The following IPO13 variants were observed in gnomAD, a reference collection of about 807,000 sequenced individuals.
The protein encoded by IPO13 is importin-13.
A neutral mutation model predicts 115.5 loss-of-function variants in IPO13; 28 were observed. The observed-to-expected ratio is 0.24, with a 90% CI of 0.18 to 0.33. IPO13 has a LOEUF of 0.33. Ranked by LOEUF, IPO13 falls within the 10% of genes least tolerant of loss-of-function variation. The pLI is 1.00. For synonymous variants in IPO13, 414 were observed against 478.9 expected (o/e 0.86, Z 1.77); for missense variants, 785 against 1,204.6 (o/e 0.65, Z 5.16).
chr1:43,961,321 A>T, intron 14 of IPO13, 59 bp downstream of exon 14: 8 of 1,369,436 alleles, frequency 5.8e-6, no homozygotes, highest in East Asian at 2.3e-5. Flanking sequence ...TGCTTCCCCA[A>T]ATGGGGAGCC....
At chr1:43,961,078 G>A in intron 13 of IPO13, 65 bp downstream of exon 13, 1 of 1,610,514 alleles carries the variant, frequency 6.2e-7, no homozygotes, top group African/African-American at 1.3e-5. Flanking sequence ...GGCTGCCGTG[G>A]CTGGGGTCCC....
rs761449688 is a variant in IPO13 at position 43,949,573 on chromosome 1, G to A, written c.241G>A (p.Ala81Thr). 1.2e-6 allele frequency: 2 copies of A among 1,614,228 alleles called. No homozygotes were observed. The highest frequency in any genetic ancestry group is 1.7e-6 in the Non-Finnish European group (2 of 1,180,038). The change falls in exon 2 of 20, where the codon GCT becomes ACT. Residue 81 changes from alanine to threonine, a missense_variant. By Grantham distance (58) the Ala-to-Thr change is moderately conservative. This residue lies in a region of IPO13 where 325 missense variants were observed against 449.8 expected (regional missense o/e 0.72). Transcript: ENST00000372343. ...VPEIQYFGAS[A>T]LHIKISRYWS... is the part of the protein sequence containing the mutation. Reference sequence around the variant, plus strand: ...AGAGATCCAGTACTTTGGGGCCAGTGCTCTTCACATCAAGATCTCTCGCTA... The same window carrying A: ...AGAGATCCAGTACTTTGGGGCCAGTACTCTTCACATCAAGATCTCTCGCTA...
In IPO13 at chr1:43,947,485, C is replaced by T. The variant is rs112606812; in HGVS notation, c.-116C>T. The T allele has an allele frequency of 5.5e-4, 295 of 539,564 alleles. No individual in the cohort carries two copies. The highest frequency in any genetic ancestry group is 7.7e-4 in the Non-Finnish European group (273 of 352,734). The allele number at this position is 539,564 out of a possible 1,614,324, so 33.4% of individuals were successfully genotyped here. Reference sequence around the variant, plus strand: ...GGCAGCCATGCCCGCCCTGGGCCCCCCCTCACCCCACCACTCCCTGGGCAC... The same window carrying T: ...GGCAGCCATGCCCGCCCTGGGCCCCTCCTCACCCCACCACTCCCTGGGCAC... On this transcript the variant is annotated 5_prime_UTR_variant, in exon 1 of 20. Coordinates refer to ENST00000372343, the MANE Select transcript of IPO13 (RefSeq NM_014652.4).
chr1:43,957,073 T>C, intron 5 of IPO13, 97 bp downstream of exon 5: 1 of 1,561,728 alleles, frequency 6.4e-7, no homozygotes, highest in Non-Finnish European at 8.7e-7. Context: ...ATTTTGGTGC[T>C]CCTTTCTGTT....
rs1388465428 is a variant in IPO13, at chr1:43,966,540, G to C, written c.2398-35G>C. On this transcript the variant is annotated intron_variant, in intron 15 of 19. Coordinates refer to ENST00000372343, the MANE Select transcript of IPO13 (RefSeq NM_014652.4). The surrounding 1 kb of genome is among the most constrained non-coding windows in gnomAD (Gnocchi z 4.1). ...GTGGGGGGGATGGTCCTTGGAGCTG[G>C]CTGGGGCTGGGCTTACCAGCTCCAC... 2 of 1,610,402 alleles carry C rather than the reference G, an allele frequency of 1.2e-6. No homozygotes were observed. Among genetic ancestry groups the C allele is most frequent in the Non-Finnish European group, 1.7e-6 (2 of 1,176,960 alleles).
Position 43,956,486 on chromosome 1 carries a change from G to A in IPO13, c.962+26G>A. The A allele has an allele frequency of 1.2e-6, 2 of 1,614,098 alleles. No individual in the cohort carries two copies. The highest frequency in any genetic ancestry group is 1.7e-6 in the Non-Finnish European group (2 of 1,179,990). On this transcript the variant is annotated intron_variant, in intron 3 of 19. Coordinates refer to ENST00000372343, the MANE Select transcript of IPO13 (RefSeq NM_014652.4). The surrounding 1 kb of genome is among the most constrained non-coding windows in gnomAD (Gnocchi z 4.7). ...GTAAAGGGTGGAGCAGCTTGGGGTGGGATAGTAGGGCCCTCTAAGAAATGG... is the reference window on the plus strand; with the variant it reads ...GTAAAGGGTGGAGCAGCTTGGGGTGAGATAGTAGGGCCCTCTAAGAAATGG...
At chr1:43,949,050 A>G (rs2085187488) in intron 1 of IPO13, among the ~76,000 whole-genome samples, 1 of 152,238 alleles carries the variant, frequency 6.6e-6, no homozygotes, top group South Asian at 2.1e-4. Flanking sequence ...AAGCTGTTCC[A>G]TGCCCTTCTC....
At chr1:43,955,658 A>G (rs2085242124) in intron 2 of IPO13, among the ~76,000 whole-genome samples, 1 of 152,178 alleles carries the variant, frequency 6.6e-6, no homozygotes, top group Non-Finnish European at 1.5e-5. Flanking sequence ...CACCAGTCAT[A>G]TTGGAGTTCA....
At position 43,966,442 on chromosome 1, in the gene IPO13, G is replaced by A; in HGVS notation, c.2398-133G>A. 1 of 860,758 alleles carries A rather than the reference G, an allele frequency of 1.2e-6. No individual in the cohort carries two copies. Among genetic ancestry groups the A allele is most frequent in the Non-Finnish European group, 1.9e-6 (1 of 524,222 alleles). 53.3% of individuals were successfully genotyped at this position (860,758 alleles called of 1,614,324 possible). On this transcript the variant is annotated intron_variant, in intron 15 of 19. Transcript: ENST00000372343. This position sits in a 1 kb window ranked among gnomAD's most constrained non-coding sequence, Gnocchi z 4.1. ...ACTCTGAGGTGGTCCGGGTCCCCCA[G>A]AGATGGCTGGGTAGCTGGTTTTGGC... is the stretch of plus-strand genomic sequence containing the variant.
rs746432193 is a variant in IPO13 at position 43,958,454 on chromosome 1, C to T, written c.1750-7C>T. ...CCAGGACTGACCATCCATGTTCTGC[C>T]CCACAGACAAGCCAGTGCATGTGGC... is the stretch of plus-strand genomic sequence containing the variant. On this transcript the variant is annotated splice_polypyrimidine_tract_variant and splice_region_variant and intron_variant, in intron 9 of 19. Coordinates refer to ENST00000372343, the MANE Select transcript of IPO13 (RefSeq NM_014652.4). The surrounding 1 kb of genome is among the most constrained non-coding windows in gnomAD (Gnocchi z 6.3). 3.1e-6 allele frequency: 5 copies of T among 1,613,862 alleles called. No individual in the cohort carries two copies. The South Asian group carries it at 5.5e-5, about 18-fold the overall frequency.
At chr1:43,965,919 C>T (rs933517826) in intron 15 of IPO13, 3 of 164,796 alleles carry the variant, frequency 1.8e-5, no homozygotes, top group Non-Finnish European at 2.7e-5. Flanking sequence ...TGGTACCACT[C>T]GGGGCAGGCC....
Position 43,960,930 on chromosome 1 carries a change from C to T in IPO13, c.2164C>T (p.Pro722Ser). The T allele has an allele frequency of 6.2e-7, 1 of 1,614,214 alleles. No individual in the cohort carries two copies. Among genetic ancestry groups the T allele is most frequent in the Non-Finnish European group, 8.5e-7 (1 of 1,180,036 alleles). Residue 722 changes from proline (P) to serine (S), a missense_variant, in exon 13 of 20, where the codon CCC becomes TCC. This residue lies in a region of IPO13 where 285 missense variants were observed against 394.8 expected (regional missense o/e 0.72). Transcript: ENST00000372343. ...TAAGACGCTGCTGGATGACTTTGCC[C>T]CCATGGTGCCACAGCTGTGTGAGAT... The part of the protein sequence containing the change: ...SVKTLLDDFA[P>S]MVPQLCEMLG...
At position 43,947,466 on chromosome 1, in the gene IPO13, C is replaced by T. The variant is rs1019119903; in HGVS notation, c.-135C>T. On this transcript the variant is annotated 5_prime_UTR_variant, in exon 1 of 20. Transcript: ENST00000372343. ...AACGAGGTGGGGAGGCCTCGGCAGCCATGCCCGCCCTGGGCCCCCCCTCAC... is the reference window on the plus strand; with the variant it reads ...AACGAGGTGGGGAGGCCTCGGCAGCTATGCCCGCCCTGGGCCCCCCCTCAC... 25 of 450,142 alleles carry T rather than the reference C, an allele frequency of 5.6e-5. No individual in the cohort carries two copies. The highest frequency in any genetic ancestry group is 8.5e-5 in the Non-Finnish European group (23 of 271,780). The allele number at this position is 450,142 out of a possible 1,614,324, so 27.9% of individuals were successfully genotyped here.
At chr1:43,960,175 C>T in intron 11 of IPO13, 74 bp from the exon 12 acceptor site, 5 of 1,438,250 alleles carry the variant, frequency 3.5e-6, no homozygotes, top group Non-Finnish European at 4.9e-6. Flanking sequence ...CCCCTCCTCC[C>T]TGCCACCAAG....
chr1:43,960,701 C>T (rs1425467645), intron 12 of IPO13, among the ~76,000 whole-genome samples, 175 bp from the exon 13 acceptor site: 1 of 152,180 alleles, frequency 6.6e-6, no homozygotes, highest in African/African-American at 2.4e-5. Flanking sequence ...CAGTGAAGGG[C>T]CTTTGCCCCC....
intron 14 of IPO13, among the ~76,000 whole-genome samples, chr1:43,961,878 T>C (rs752399904): frequency 1.6e-4 from 25 of 152,226 alleles, no homozygotes; most frequent in Non-Finnish European, 2.5e-4. Context: ...TCAAGTACCT[T>C]TGGCTGTGGT....
rs547397899 is a variant in IPO13, at chr1:43,958,426, T to G, written c.1750-35T>G. 6.2e-7 allele frequency: 1 copy of G among 1,612,732 alleles called. No individual in the cohort carries two copies. Among genetic ancestry groups the G allele is most frequent in the South Asian group, 1.1e-5 (1 of 90,980 alleles). The stretch of plus-strand genomic sequence containing the variant: ...TTCCTTCCTACCCCACAACTAGATG[T>G]GGCCAGGACTGACCATCCATGTTCT... On this transcript the variant is annotated intron_variant, in intron 9 of 19. Coordinates refer to ENST00000372343, the MANE Select transcript of IPO13 (RefSeq NM_014652.4). This position sits in a 1 kb window ranked among gnomAD's most constrained non-coding sequence, Gnocchi z 6.3.
At chr1:43,963,846 C>G (rs1206837489) in intron 14 of IPO13, among the ~76,000 whole-genome samples, 2 of 152,220 alleles carry the variant, frequency 1.3e-5, no homozygotes, top group Admixed American at 6.5e-5. Flanking sequence ...CCCACCCCCC[C>G]ACCGCCATCC....
Position 43,966,670 on chromosome 1 carries a change from C to G in IPO13, c.2464+29C>G. ...AGTGGGGCGAGATGGACAGGTGGGC[C>G]TGGGGCTCCCCTAGAAGGATCGTTA... On this transcript the variant is annotated intron_variant, in intron 16 of 19. Coordinates refer to ENST00000372343, the MANE Select transcript of IPO13 (RefSeq NM_014652.4). This position sits in a 1 kb window ranked among gnomAD's most constrained non-coding sequence, Gnocchi z 4.1. The G allele has an allele frequency of 6.2e-7, 1 of 1,614,118 alleles. No homozygotes were observed. Among genetic ancestry groups the G allele is most frequent in the Non-Finnish European group, 8.5e-7 (1 of 1,179,948 alleles).
Sources: gnomAD v4.1 joint callset for allele counts (sites outside exome capture counted in the v4.1 genomes callset) on GRCh38, gnomAD v4.1.1 for gene constraint, gnomAD v4.1.1 regional missense constraint, Gnocchi (gnomAD v3.1) non-coding constraint, MANE v1.5 for transcripts, NCBI Gene and HGNC (gene_info 2026-07-23, HGNC 2026-07-21) for gene names.